The following TMEM132D variants were observed in gnomAD, a reference collection of about 807,000 sequenced individuals.
The protein encoded by TMEM132D is mature OL transmembrane protein.
In TMEM132D, 21 loss-of-function variants were observed where a neutral mutation model predicts 62.3. That is an observed-to-expected ratio of 0.34 (90% confidence interval 0.24 to 0.49). TMEM132D has a LOEUF of 0.49. Ranked by LOEUF, TMEM132D falls within the 20% of genes least tolerant of loss-of-function variation. The probability of loss-of-function intolerance (pLI) is 0.99; values close to 1 mark genes in which losing one functional copy is unlikely to be tolerated. For missense variants in TMEM132D, 1,346 were observed against 1,402.8 expected (o/e 0.96, Z 0.65); for synonymous variants, 621 against 575.6 (o/e 1.08, Z -1.13).
intron 5 of TMEM132D, among the ~76,000 whole-genome samples, chr12:129,200,701 G>A (rs1878681208): frequency 1.3e-5 from 2 of 152,212 alleles, no homozygotes; most frequent in South Asian, 4.1e-4. Flanking sequence ...TGCAGAAAGA[G>A]AACTGCTGGG....
At chr12:129,810,924 A>G (rs1219149181) in intron 1 of TMEM132D, among the ~76,000 whole-genome samples, 1 of 152,184 alleles carries the variant, frequency 6.6e-6, no homozygotes, top group Non-Finnish European at 1.5e-5. Flanking sequence ...CACTGATGGT[A>G]TTGCGTGTCT....
intron 1 of TMEM132D, among the ~76,000 whole-genome samples, chr12:129,715,477 A>G (rs1444430611): frequency 6.6e-6 from 1 of 152,182 alleles, no homozygotes; most frequent in Non-Finnish European, 1.5e-5. Context: ...TAAGTTTTCC[A>G]GTTCTGATTG....
intron 4 of TMEM132D, among the ~76,000 whole-genome samples, chr12:129,220,775 G>T (rs142734820): frequency 2.6e-5 from 4 of 152,056 alleles, no homozygotes; most frequent in African/African-American, 7.2e-5. Flanking sequence ...TACAAGAATT[G>T]TGAATTTACG....
intron 3 of TMEM132D, among the ~76,000 whole-genome samples, chr12:129,363,929 T>C (rs1035722103): frequency 6.6e-6 from 1 of 152,254 alleles, no homozygotes; most frequent in East Asian, 1.9e-4. Context: ...TCAAGAAGTT[T>C]GCTTTTCTCA....
chr12:129,671,857 G>A (rs1030398827), intron 2 of TMEM132D, among the ~76,000 whole-genome samples: 2 of 152,192 alleles, frequency 1.3e-5, no homozygotes, highest in South Asian at 2.1e-4. Flanking sequence ...AGGGCAGAGT[G>A]GTAGAATGGC....
At chr12:129,701,729 C>T (rs1214972726) in intron 1 of TMEM132D, among the ~76,000 whole-genome samples, 1 of 152,202 alleles carries the variant, frequency 6.6e-6, no homozygotes, top group Non-Finnish European at 1.5e-5. Context: ...AAACTATTGG[C>T]TGGGAACACT....
intron 4 of TMEM132D, among the ~76,000 whole-genome samples, chr12:129,289,562 A>G (rs1252802751): frequency 2.7e-5 from 4 of 147,512 alleles, no homozygotes; most frequent in Non-Finnish European, 5.9e-5. Flanking sequence ...AAAAAAAAAA[A>G]AAGAAAAAAA....
chr12:129,867,965 CAT>C lies in TMEM132D; in HGVS notation c.79+35294_79+35295del, dbSNP rs893080698. On this transcript the variant is annotated intron_variant, in intron 1 of 8. Coordinates refer to ENST00000422113, the MANE Select transcript of TMEM132D (RefSeq NM_133448.3). This position sits in a 1 kb window ranked among gnomAD's most constrained non-coding sequence, Gnocchi z 4.5. The stretch of plus-strand genomic sequence containing the variant: ...CACGAGGCAGTGTTTCTATGGTACA[CAT>C]GAGACAGCATTTGTACGGTACACAC... 3.9e-5 allele frequency among the ~76,000 whole-genome samples: 6 copies of C among 152,198 alleles called. No individual in the cohort carries two copies. Among genetic ancestry groups the C allele is most frequent in the African/African-American group, 9.6e-5 (4 of 41,464 alleles).
intron 3 of TMEM132D, among the ~76,000 whole-genome samples, chr12:129,389,661 A>C (rs1160986663): frequency 6.6e-6 from 1 of 152,248 alleles, no homozygotes; most frequent in Non-Finnish European, 1.5e-5. Context: ...ACTAATGCAA[A>C]TGCAAATACT....
At chr12:129,598,989 G>C (rs1878417622) in intron 2 of TMEM132D, among the ~76,000 whole-genome samples, 1 of 152,166 alleles carries the variant, frequency 6.6e-6, no homozygotes, top group Non-Finnish European at 1.5e-5. Flanking sequence ...CACAGAAAAT[G>C]CTTATACTTC....
At chr12:129,663,666 A>G (rs1288838578) in intron 2 of TMEM132D, among the ~76,000 whole-genome samples, 2 of 152,226 alleles carry the variant, frequency 1.3e-5, no homozygotes, top group East Asian at 1.9e-4. Context: ...TGTTGGAAGC[A>G]GTTTCTGGCA....
intron 5 of TMEM132D, among the ~76,000 whole-genome samples, chr12:129,198,230 T>C (rs138473415): frequency 6.7e-4 from 102 of 152,324 alleles, no homozygotes; most frequent in African/African-American, 2.3e-3. Context: ...CTGTTGGTGG[T>C]ACAGTCATTA....
chr12:129,724,202 T>C lies in TMEM132D; in HGVS notation c.80-23504A>G, dbSNP rs147345892. ...CTGTAGAGCCGACTATCATTAGATA[T>C]GCACCTTGAGCAAGCAACACTGCTC... On this transcript the variant is annotated intron_variant, in intron 1 of 8. Transcript: ENST00000422113. Among the ~76,000 whole-genome samples the C allele has an allele frequency of 4.6e-3, 703 of 152,332 alleles. 4 individuals carry two copies. The highest frequency in any genetic ancestry group is 7.1e-3 in the Non-Finnish European group (481 of 68,028).
At chr12:129,081,486 G>T (rs1221975681) in intron 7 of TMEM132D, among the ~76,000 whole-genome samples, 1 of 152,106 alleles carries the variant, frequency 6.6e-6, no homozygotes, top group Non-Finnish European at 1.5e-5. Context: ...TTTTGGTAGA[G>T]ATGGGGTTTC....
intron 1 of TMEM132D, among the ~76,000 whole-genome samples, chr12:129,746,929 T>A (rs1215775129): frequency 6.6e-6 from 1 of 152,082 alleles, no homozygotes; most frequent in Non-Finnish European, 1.5e-5. Context: ...TCCTATCGGC[T>A]CCACATTCAC....
At chr12:129,673,634 A>G (rs892491279) in intron 2 of TMEM132D, among the ~76,000 whole-genome samples, 1 of 152,184 alleles carries the variant, frequency 6.6e-6, no homozygotes, top group African/African-American at 2.4e-5. Context: ...TTACACTTAC[A>G]TTCTTGCAAG....
At chr12:129,374,243 T>G (rs1332842039) in intron 3 of TMEM132D, among the ~76,000 whole-genome samples, 1 of 140,074 alleles carries the variant, frequency 7.1e-6, no homozygotes, top group East Asian at 2.1e-4. Context: ...TTGAAGGCAG[T>G]GCCTTCTCAC....
At chr12:129,391,573 C>G (rs533873509) in intron 3 of TMEM132D, among the ~76,000 whole-genome samples, 4 of 152,304 alleles carry the variant, frequency 2.6e-5, no homozygotes, top group African/African-American at 7.2e-5. Flanking sequence ...TTTCTCCCCC[C>G]GCCCTGTGGA....
intron 4 of TMEM132D, among the ~76,000 whole-genome samples, chr12:129,223,413 A>G (rs1320196029): frequency 2.0e-5 from 3 of 152,130 alleles, no homozygotes; most frequent in Non-Finnish European, 2.9e-5. Context: ...GATCTGGTCA[A>G]TAGCCCAGAC....
Sources: gnomAD v4.1 joint callset for allele counts (sites outside exome capture counted in the v4.1 genomes callset) on GRCh38, gnomAD v4.1.1 for gene constraint, Gnocchi (gnomAD v3.1) non-coding constraint, MANE v1.5 for transcripts, NCBI Gene and HGNC (gene_info 2026-07-23, HGNC 2026-07-21) for gene names.